PHC1: variants seen among roughly 807,000 people sequenced by gnomAD.
PHC1 encodes the protein polyhomeotic homolog 1.
In PHC1, 12 loss-of-function variants were observed where a neutral mutation model predicts 104.3. The ratio of observed to expected loss-of-function variants is 0.12; its 90% CI spans 0.07 to 0.19. The LOEUF (loss-of-function observed/expected upper bound fraction) is 0.19. Ranked by LOEUF, PHC1 falls within the 10% of genes least tolerant of loss-of-function variation. The pLI, the probability that PHC1 is intolerant of heterozygous loss-of-function variation, is 1.00. For missense variants in PHC1, 671 were observed against 1,200.0 expected (o/e 0.56, Z 6.51); for synonymous variants, 302 against 455.8 (o/e 0.66, Z 4.30).
At chr12:8,938,165 G>C (rs1249053661) in intron 14 of PHC1, 105 bp downstream of exon 14, 16 of 727,196 alleles carry the variant, frequency 2.2e-5, no homozygotes. Context: ...GTAGGAGCTT[G>C]AATGCTAATA....
chr12:8,927,418 G>T (rs1945547147), intron 6 of PHC1, among the ~76,000 whole-genome samples: 1 of 152,120 alleles, frequency 6.6e-6, no homozygotes, highest in Non-Finnish European at 1.5e-5. Flanking sequence ...GGAAGAGGAG[G>T]CAGTGGATAT....
intron 4 of PHC1, 21 bp downstream of exon 4, chr12:8,921,086 T>C (rs753893896): frequency 1.5e-5 from 23 of 1,555,954 alleles, no homozygotes; most frequent in Non-Finnish European, 1.8e-5. Context: ...CCTCTCCCAC[T>C]GAGAGGCTTC....
At chr12:8,931,005 T>C in intron 7 of PHC1, 78 bp downstream of exon 7, 2 of 1,459,122 alleles carry the variant, frequency 1.4e-6, no homozygotes, top group Non-Finnish European at 1.8e-6. Flanking sequence ...TTGCCTTTTT[T>C]TCTTTGCCTT....
intron 2 of PHC1, among the ~76,000 whole-genome samples, chr12:8,918,549 C>T (rs557093879): frequency 5.0e-4 from 76 of 152,060 alleles, no homozygotes; most frequent in Non-Finnish European, 4.3e-4. Flanking sequence ...GCGATCAGTG[C>T]TCACTGCAGC....
upstream of PHC1, chr12:8,914,081 C>T (rs1945123323): frequency 6.6e-6 from 1 of 152,516 alleles, no homozygotes; most frequent in Non-Finnish European, 1.5e-5. Context: ...TTGCTTTGCT[C>T]TTTCTCCCTC....
At chr12:8,922,165 G>A (rs1460834516) in intron 5 of PHC1, among the ~76,000 whole-genome samples, 1 of 152,138 alleles carries the variant, frequency 6.6e-6, no homozygotes, top group Non-Finnish European at 1.5e-5. Context: ...GAGAAGCTGG[G>A]ACCTACTTCC....
chr12:8,932,467 G>C (rs1319605879), intron 7 of PHC1, 96 bp from the exon 8 acceptor site: 1 of 1,349,624 alleles, frequency 7.4e-7, no homozygotes, highest in Non-Finnish European at 1.0e-6. Flanking sequence ...CCAAAACTAG[G>C]TTATACCTTG....
intron 6 of PHC1, among the ~76,000 whole-genome samples, chr12:8,924,708 TAAATA>T (rs1255188559): frequency 5.9e-5 from 9 of 152,052 alleles, no homozygotes; most frequent in African/African-American, 7.2e-5. Flanking sequence ...GATGAGGGGA[TAAATA>T]AAATAGAATC....
chr12:8,929,551 A>G (rs1429794688), intron 6 of PHC1, among the ~76,000 whole-genome samples: 1 of 148,944 alleles, frequency 6.7e-6, no homozygotes, highest in South Asian at 2.1e-4. Context: ...TTTTCTGGAC[A>G]GGGTCTCACT....
chr12:8,927,863 T>C (rs1358424889), intron 6 of PHC1, among the ~76,000 whole-genome samples: 1 of 83,846 alleles, frequency 1.2e-5, no homozygotes, highest in African/African-American at 6.1e-5. Flanking sequence ...TTTTCTTTCT[T>C]TCTTTCTTTC....
rs761397346 is a variant in PHC1 at position 8,919,617 on chromosome 12, C to T, written c.115-139C>T. 43 of 787,382 alleles carry T rather than the reference C, an allele frequency of 5.5e-5. No individual in the cohort carries two copies. The highest frequency in any genetic ancestry group is 2.2e-4 in the South Asian group (12 of 53,628). 48.8% of individuals were successfully genotyped at this position (787,382 alleles called of 1,614,324 possible). Reference sequence around the variant, plus strand: ...TCTAAAAAAATGAAGGAAAATCAGCCGTTGACGATTTAGCCCAAACTCCCA... The same window carrying T: ...TCTAAAAAAATGAAGGAAAATCAGCTGTTGACGATTTAGCCCAAACTCCCA... On this transcript the variant is annotated intron_variant, in intron 2 of 14. Coordinates refer to ENST00000544916, the MANE Select transcript of PHC1 (RefSeq NM_004426.3). This position sits in a 1 kb window ranked among gnomAD's most constrained non-coding sequence, Gnocchi z 4.9.
intron 14 of PHC1, among the ~76,000 whole-genome samples, chr12:8,938,644 TTGTC>T (rs1407458077): frequency 6.6e-6 from 1 of 152,130 alleles, no homozygotes; most frequent in Non-Finnish European, 1.5e-5. Flanking sequence ...TTCTTGCTAT[TTGTC>T]TGAATTCTGG....
chr12:8,941,288 CGA>C lies in PHC1; in HGVS notation c.*1833_*1834del, dbSNP rs1946001183. On this transcript the variant is annotated 3_prime_UTR_variant, in exon 15 of 15. Coordinates refer to ENST00000544916, the MANE Select transcript of PHC1 (RefSeq NM_004426.3). ...AGAACATCTCCAGGCTCAGACTAAA[CGA>C]GAGTACTTGGACTGCAACCAAGTAA... is the stretch of plus-strand genomic sequence containing the variant. The C allele has an allele frequency of 4.2e-6, 1 of 239,920 alleles. No individual in the cohort carries two copies. The highest frequency in any genetic ancestry group is 2.3e-5 in the African/African-American group (1 of 42,870). The allele number at this position is 239,920 out of a possible 1,614,324, so 14.9% of individuals were successfully genotyped here. A position where few individuals can be genotyped will look rare whatever the true frequency, so the allele number is the denominator to read the frequency against.
chr12:8,937,820 C>T lies in PHC1; in HGVS notation c.2629-9C>T, dbSNP rs1236566948. On this transcript the variant is annotated splice_polypyrimidine_tract_variant and intron_variant, in intron 13 of 14. Coordinates refer to ENST00000544916, the MANE Select transcript of PHC1 (RefSeq NM_004426.3). The stretch of plus-strand genomic sequence containing the variant: ...ACTGACCTCATTGGTTTGCTCTTTT[C>T]CCCTATAGGGTCAAGAAGACTCTAG... 2.5e-6 allele frequency: 4 copies of T among 1,609,262 alleles called. No individual in the cohort carries two copies. The highest frequency in any genetic ancestry group is 1.7e-5 in the Admixed American group (1 of 59,990).
Position 8,921,751 on chromosome 12 carries a change from G to A in PHC1, c.456+1G>A, listed in dbSNP as rs1272062921. The A allele has an allele frequency of 6.3e-7, 1 of 1,596,772 alleles. No homozygotes were observed. ...GTCTCAGGCCCAGATGTATCTACGG[G>A]TAAGCCACAGATGCAGTCACCATTG... On this transcript the variant is annotated splice_donor_variant, in intron 5 of 14. Transcript: ENST00000544916. LOFTEE classifies it high-confidence loss of function.
chr12:8,937,133 T>C lies in PHC1; in HGVS notation c.2478-43T>C, dbSNP rs1805770. ...AATTCACATTTAGAGCAGGGTGGTC[T>C]TCTGTGGCACTATTGACATCCTATA... On this transcript the variant is annotated intron_variant, in intron 12 of 14. Coordinates refer to ENST00000544916, the MANE Select transcript of PHC1 (RefSeq NM_004426.3). The C allele has an allele frequency of 2.9e-3, 4,569 of 1,584,852 alleles. 162 individuals are homozygous for C. The Admixed American group carries it at 0.068, about 23-fold the overall frequency.
intron 14 of PHC1, among the ~76,000 whole-genome samples, chr12:8,938,842 T>G (rs1400399010): frequency 5.3e-5 from 8 of 151,706 alleles, no homozygotes. Flanking sequence ...GTTGTTGTTT[T>G]GAGACAGAGT....
At chr12:8,929,588 C>T (rs1240767246) in intron 6 of PHC1, among the ~76,000 whole-genome samples, 2 of 150,064 alleles carry the variant, frequency 1.3e-5, no homozygotes, top group South Asian at 2.1e-4. Flanking sequence ...AGTGCAGTGG[C>T]GTGATCTCAG....
At chr12:8,920,911 A>G (rs1225030697) in intron 3 of PHC1, 74 bp from the exon 4 acceptor site, 17 of 982,344 alleles carry the variant, frequency 1.7e-5, no homozygotes, top group Non-Finnish European at 2.0e-5. Flanking sequence ...TGTGCTTGTG[A>G]TTTATTACTA....
Sources: allele counts gnomAD v4.1 joint callset (sites outside exome capture counted in the v4.1 genomes callset), GRCh38; gene constraint gnomAD v4.1.1; non-coding constraint Gnocchi (gnomAD v3.1); transcripts MANE v1.5; gene names NCBI Gene and HGNC (gene_info 2026-07-23, HGNC 2026-07-21).